MYO1E: variants seen among roughly 807,000 people sequenced by gnomAD.
MYO1E encodes unconventional myosin-Ie.
Under a neutral mutation model 151.1 loss-of-function variants are expected in MYO1E, and 68 were observed. That is an observed-to-expected ratio of 0.45 (90% CI 0.37 to 0.55). The LOEUF is 0.55. Ranked by LOEUF, MYO1E falls within the 20% of genes least tolerant of loss-of-function variation. The pLI is 0.00. For synonymous variants in MYO1E, 601 were observed against 501.7 expected (o/e 1.20, Z -2.64); for missense variants, 1,363 against 1,389.3 (o/e 0.98, Z 0.30).
At chr15:59,286,326 G>A (rs2080387612) in intron 1 of MYO1E, among the ~76,000 whole-genome samples, 1 of 152,128 alleles carries the variant, frequency 6.6e-6, no homozygotes, top group Admixed American at 6.5e-5. Context: ...CACATGTTAT[G>A]GTTTTCTCAG....
chr15:59,138,634 C>T (rs1447611138), intron 26 of MYO1E, among the ~76,000 whole-genome samples: 2 of 152,166 alleles, frequency 1.3e-5, no homozygotes, highest in Non-Finnish European at 2.9e-5. Context: ...GTGGGAGACA[C>T]ATATCCATAA....
intron 3 of MYO1E, among the ~76,000 whole-genome samples, chr15:59,256,845 T>C (rs1328651107): frequency 6.6e-6 from 1 of 152,200 alleles, no homozygotes; most frequent in Non-Finnish European, 1.5e-5. Context: ...GGCCACGTTG[T>C]AGATTCTGGG....
At chr15:59,372,279 A>G (rs2080950947) in intron 1 of MYO1E, among the ~76,000 whole-genome samples, 2 of 152,272 alleles carry the variant, frequency 1.3e-5, no homozygotes, top group South Asian at 2.1e-4. Flanking sequence ...GCGACGCAGA[A>G]ACCGACTTGG....
intron 5 of MYO1E, among the ~76,000 whole-genome samples, chr15:59,235,612 C>A (rs1370194859): frequency 3.9e-5 from 6 of 152,154 alleles, no homozygotes; most frequent in Admixed American, 2.0e-4. Context: ...CAGTCTTTTG[C>A]ATTACCAAAA....
At chr15:59,206,792 C>A in intron 14 of MYO1E, 1 of 730,480 alleles carries the variant, frequency 1.4e-6, no homozygotes, top group East Asian at 2.7e-5. Context: ...TCTGGCAAGG[C>A]CCGCGCAGCC....
At chr15:59,288,273 T>C (rs1289687050) in intron 1 of MYO1E, among the ~76,000 whole-genome samples, 2 of 152,188 alleles carry the variant, frequency 1.3e-5, no homozygotes, top group Non-Finnish European at 2.9e-5. Flanking sequence ...CCTCCTGGGC[T>C]CAAGTGATTC....
intron 1 of MYO1E, among the ~76,000 whole-genome samples, chr15:59,304,990 C>T (rs550478482): frequency 5.3e-5 from 8 of 152,316 alleles, no homozygotes; most frequent in South Asian, 4.1e-4. Flanking sequence ...CTCTGTGAGT[C>T]GGCTTATGGC....
chr15:59,334,119 A>G lies in MYO1E; in HGVS notation c.3+38379T>C, dbSNP rs546247716. Among the ~76,000 whole-genome samples, 16 of 152,270 alleles carry G rather than the reference A, an allele frequency of 1.1e-4. No homozygotes were observed. The East Asian group carries it at 3.1e-3, about 29-fold the overall frequency. ...AACATAGTGACACTCCATCTGTACA[A>G]AAACTTTAAAAATTAGCCTGGCATG... is the stretch of plus-strand genomic sequence containing the variant. On this transcript the variant is annotated intron_variant, in intron 1 of 27. Coordinates refer to ENST00000288235, the MANE Select transcript of MYO1E (RefSeq NM_004998.4).
intron 21 of MYO1E, 62 bp from the exon 22 acceptor site, chr15:59,172,104 C>T: frequency 6.3e-7 from 1 of 1,574,820 alleles, no homozygotes; most frequent in Non-Finnish European, 8.6e-7. Flanking sequence ...CACCTGTAAT[C>T]CCAGTACTTT....
intron 1 of MYO1E, among the ~76,000 whole-genome samples, 162 bp downstream of exon 1, chr15:59,372,336 T>A (rs2080951652): frequency 6.6e-6 from 1 of 151,942 alleles, no homozygotes; most frequent in African/African-American, 2.4e-5. Context: ...CGGCCCGGGT[T>A]TACGGAAAGC....
chr15:59,351,205 G>GT (rs1315844604), intron 1 of MYO1E, among the ~76,000 whole-genome samples: 2 of 151,740 alleles, frequency 1.3e-5, no homozygotes, highest in Middle Eastern at 3.4e-3. Context: ...GGCCTTACTT[G>GT]GTTTTTTAAG....
chr15:59,302,252 A>T (rs2080487532), intron 1 of MYO1E, among the ~76,000 whole-genome samples: 1 of 152,240 alleles, frequency 6.6e-6, no homozygotes, highest in African/African-American at 2.4e-5. Flanking sequence ...ATGTCCAATT[A>T]ACGAAGGCAC....
chr15:59,137,914 C>T (rs1293499304), intron 27 of MYO1E, among the ~76,000 whole-genome samples: 1 of 152,214 alleles, frequency 6.6e-6, no homozygotes, highest in African/African-American at 2.4e-5. Context: ...AGATGATGCA[C>T]ATTTCAGACA....
intron 25 of MYO1E, among the ~76,000 whole-genome samples, chr15:59,156,546 C>T (rs1431895845): frequency 6.6e-6 from 1 of 152,226 alleles, no homozygotes; most frequent in Non-Finnish European, 1.5e-5. Flanking sequence ...CCAGGCTGGG[C>T]TCTAACTTCC....
chr15:59,162,703 C>T (rs140560764), intron 23 of MYO1E, among the ~76,000 whole-genome samples: 46 of 150,776 alleles, frequency 3.1e-4, no homozygotes, highest in Admixed American at 1.1e-3. Flanking sequence ...CTACACAATA[C>T]GTTGGCCACC....
At chr15:59,255,249 G>T (rs2080187363) in intron 4 of MYO1E, among the ~76,000 whole-genome samples, 1 of 151,780 alleles carries the variant, frequency 6.6e-6, no homozygotes, top group African/African-American at 2.4e-5. Flanking sequence ...TCAGTAGCTG[G>T]GACTACAGAC....
intron 24 of MYO1E, among the ~76,000 whole-genome samples, chr15:59,160,870 G>C (rs756736409): frequency 1.3e-5 from 2 of 151,978 alleles, no homozygotes; most frequent in East Asian, 1.9e-4. Context: ...TAAGTACTAA[G>C]TCCCTCAGAA....
chr15:59,174,194 GCATACC>G lies in MYO1E; in HGVS notation c.2090_2095del (p.Gly697_Tyr698del). The G allele has an allele frequency of 6.2e-7, 1 of 1,613,968 alleles. No homozygotes were observed. On this transcript the variant is annotated inframe_deletion, in exon 20 of 28. Coordinates refer to ENST00000288235, the MANE Select transcript of MYO1E (RefSeq NM_004998.4). ...CCTCCATGATTTCTGTATCACTCGA[GCATACC>G]CATCATACTTTCTCTCTCTCATCTC... is the stretch of plus-strand genomic sequence containing the variant.
chr15:59,223,986 C>A (rs569026826), intron 8 of MYO1E, among the ~76,000 whole-genome samples: 1 of 152,316 alleles, frequency 6.6e-6, no homozygotes, highest in African/African-American at 2.4e-5. Context: ...ACTGAACCCA[C>A]GCTGCTCATT....
Sources: allele counts gnomAD v4.1 joint callset (sites outside exome capture counted in the v4.1 genomes callset), GRCh38; gene constraint gnomAD v4.1.1; transcripts MANE v1.5; gene names NCBI Gene and HGNC (gene_info 2026-07-23, HGNC 2026-07-21).